Variants in WDR7 observed in about 807,000 individuals in gnomAD.
The protein encoded by WDR7 is WD repeat domain 7, also known as WD repeat-containing protein 7.
Under a neutral mutation model 169.4 loss-of-function variants are expected in WDR7, and 46 were observed. That is an observed-to-expected ratio of 0.27 (90% CI 0.21 to 0.35). The LOEUF (loss-of-function observed/expected upper bound fraction) is 0.35. Ranked by LOEUF, WDR7 falls within the 10% of genes least tolerant of loss-of-function variation. The pLI is 1.00. For synonymous variants in WDR7, 612 were observed against 666.8 expected (o/e 0.92, Z 1.27); for missense variants, 1,534 against 1,859.3 (o/e 0.83, Z 3.22).
chr18:56,922,884 T>G (rs762654601), intron 21 of WDR7, among the ~76,000 whole-genome samples: 1 of 152,244 alleles, frequency 6.6e-6, no homozygotes, highest in African/African-American at 2.4e-5. Flanking sequence ...TATTAAAGTT[T>G]ATATGCCATT....
intron 20 of WDR7, among the ~76,000 whole-genome samples, chr18:56,860,691 A>G (rs1163304253): frequency 2.0e-5 from 3 of 150,690 alleles, no homozygotes; most frequent in Admixed American, 6.6e-5. Flanking sequence ...TTAAGCCTTA[A>G]TCTTAGTTAA....
chr18:56,991,760 A>G (rs756538791), intron 26 of WDR7, among the ~76,000 whole-genome samples: 80 of 152,240 alleles, frequency 5.3e-4, no homozygotes, highest in Admixed American at 1.3e-3. Context: ...GATATTATTT[A>G]AATTGTGAAT....
chr18:56,807,666 C>G (rs2044798674), intron 19 of WDR7, among the ~76,000 whole-genome samples: 1 of 137,750 alleles, frequency 7.3e-6, no homozygotes, highest in African/African-American at 2.7e-5. Context: ...TATATGAGAG[C>G]AGTTTTCTAA....
At chr18:56,659,994 G>A (rs2024869561) in intron 1 of WDR7, among the ~76,000 whole-genome samples, 1 of 152,184 alleles carries the variant, frequency 6.6e-6, no homozygotes, top group African/African-American at 2.4e-5. Context: ...TGGTTGTAGT[G>A]AAAGTGTTGA....
rs149976128 is a variant in WDR7, at chr18:56,953,058, G to A, written c.4065-9372G>A. Among the ~76,000 whole-genome samples the A allele has an allele frequency of 7.4e-3, 1,129 of 152,236 alleles. 10 individuals are homozygous for A. Among genetic ancestry groups the A allele is most frequent in the African/African-American group, 0.025 (1,041 of 41,542 alleles). On this transcript the variant is annotated intron_variant, in intron 25 of 27. Coordinates refer to ENST00000254442, the MANE Select transcript of WDR7 (RefSeq NM_015285.3). ...AGAATGTACAAAACCAAGAGTGAAC[G>A]CTAATGTGAATGATATGTAAATTTA... is the stretch of plus-strand genomic sequence containing the variant.
chr18:56,804,859 C>G (rs2044742102), intron 19 of WDR7, among the ~76,000 whole-genome samples: 1 of 152,246 alleles, frequency 6.6e-6, no homozygotes, highest in Admixed American at 6.5e-5. Flanking sequence ...TTTTTACATA[C>G]ATGCACAAAT....
At position 56,715,772 on chromosome 18, in the gene WDR7, TC is replaced by T. The variant is rs549927037; in HGVS notation, c.1579-2191del. 2.1e-3 allele frequency among the ~76,000 whole-genome samples: 322 copies of T among 152,314 alleles called. 1 individual carries two copies. Among genetic ancestry groups the T allele is most frequent in the African/African-American group, 7.4e-3 (309 of 41,562 alleles). Reference sequence around the variant, plus strand: ...AAAAGGAATACTGTTTAGGCATCATTCTTTAAGTTAATTATACCCGTAGAAA... The same window carrying T: ...AAAAGGAATACTGTTTAGGCATCATTTTTAAGTTAATTATACCCGTAGAAA... On this transcript the variant is annotated intron_variant, in intron 12 of 27. Transcript: ENST00000254442.
chr18:57,015,179 G>A (rs2048189667), intron 26 of WDR7, among the ~76,000 whole-genome samples: 1 of 152,214 alleles, frequency 6.6e-6, no homozygotes, highest in Non-Finnish European at 1.5e-5. Flanking sequence ...ACACACAGCA[G>A]AATGGGTGAC....
intron 20 of WDR7, among the ~76,000 whole-genome samples, chr18:56,851,124 T>G (rs1476970455): frequency 1.4e-5 from 2 of 146,122 alleles, no homozygotes; most frequent in Non-Finnish European, 2.9e-5. Context: ...ATACTATCAC[T>G]GTTACTCCCC....
At position 56,672,686 on chromosome 18, in the gene WDR7, A is replaced by G. The variant is rs200649620; in HGVS notation, c.159+12A>G. ...CAGTAGAACTGCAAGTGAGTATGTGAAATGCCTATTATACATTTTAGATAT... is the reference window on the plus strand; with the variant it reads ...CAGTAGAACTGCAAGTGAGTATGTGGAATGCCTATTATACATTTTAGATAT... On this transcript the variant is annotated intron_variant, in intron 2 of 27. Transcript: ENST00000254442. 236 of 1,599,282 alleles carry G rather than the reference A, an allele frequency of 1.5e-4. No homozygotes were observed. The highest frequency in any genetic ancestry group is 1.9e-4 in the Non-Finnish European group (222 of 1,173,476).
intron 22 of WDR7, among the ~76,000 whole-genome samples, chr18:56,928,015 A>T (rs2046830742): frequency 6.6e-6 from 1 of 152,228 alleles, no homozygotes; most frequent in Non-Finnish European, 1.5e-5. Flanking sequence ...TTGAGTAGTT[A>T]TGAAGAGAGC....
At chr18:56,944,263 A>T (rs756414174) in intron 25 of WDR7, among the ~76,000 whole-genome samples, 1 of 152,024 alleles carries the variant, frequency 6.6e-6, no homozygotes, top group Non-Finnish European at 1.5e-5. Context: ...AAGTGCTGGG[A>T]TTATAGGCGT....
Position 56,774,893 on chromosome 18 carries a change from G to A in WDR7, c.2849-1889G>A, listed in dbSNP as rs979628765. Among the ~76,000 whole-genome samples the A allele has an allele frequency of 2.6e-5, 4 of 152,044 alleles. No individual in the cohort carries two copies. The East Asian group carries it at 7.7e-4, about 29-fold the overall frequency. On this transcript the variant is annotated intron_variant, in intron 16 of 27. Transcript: ENST00000254442. ...AATTTATTAAAGGATGAGTGTAAATGCCTTTTTTTCTAAATGAAATGTCAT... is the reference window on the plus strand; with the variant it reads ...AATTTATTAAAGGATGAGTGTAAATACCTTTTTTTCTAAATGAAATGTCAT...
At chr18:56,930,046 C>G (rs138634047) in intron 22 of WDR7, among the ~76,000 whole-genome samples, 1 of 152,290 alleles carries the variant, frequency 6.6e-6, no homozygotes, top group East Asian at 1.9e-4. Context: ...AACAGTGGAG[C>G]AGTGCCGGCC....
intron 19 of WDR7, among the ~76,000 whole-genome samples, chr18:56,786,942 A>G (rs1297296565): frequency 2.0e-5 from 3 of 151,736 alleles, no homozygotes; most frequent in Non-Finnish European, 2.9e-5. Context: ...GGCAAAAACC[A>G]CAATTACTTT....
At position 57,009,356 on chromosome 18, in the gene WDR7, G is replaced by A. The variant is rs4801071; in HGVS notation, c.4165-11389G>A. ...GTATTCATTCTAGATCAGTCTCTAA[G>A]AAGTCACCATCATCAAGGGAATTCA... On this transcript the variant is annotated intron_variant, in intron 26 of 27. Transcript: ENST00000254442. Among the ~76,000 whole-genome samples the A allele has an allele frequency of 4.8e-4, 73 of 152,168 alleles. No individual in the cohort carries two copies. In the East Asian group the frequency reaches 0.013, roughly 28 times the overall value.
chr18:56,662,522 C>T (rs1051367032), intron 1 of WDR7, among the ~76,000 whole-genome samples: 1 of 152,126 alleles, frequency 6.6e-6, no homozygotes, highest in African/African-American at 2.4e-5. Flanking sequence ...ATCAAATGGT[C>T]GAAGGTAGCA....
At chr18:57,031,911 A>G (rs577306801), downstream of WDR7, 14 of 152,382 alleles carry the variant, frequency 9.2e-5, no homozygotes, top group African/African-American at 3.4e-4. Flanking sequence ...CTAATTGAGC[A>G]TGGATAAACA....
chr18:56,668,834 ATATT>A (rs1376913257), intron 1 of WDR7, among the ~76,000 whole-genome samples: 1 of 152,146 alleles, frequency 6.6e-6, no homozygotes, highest in Non-Finnish European at 1.5e-5. Context: ...ACCTTATTGA[ATATT>A]AAGTACTGGA....
Sources: allele counts gnomAD v4.1 joint callset (sites outside exome capture counted in the v4.1 genomes callset), GRCh38; gene constraint gnomAD v4.1.1; transcripts MANE v1.5; gene names NCBI Gene and HGNC (gene_info 2026-07-23, HGNC 2026-07-21).